The following TYW1 variants were observed in gnomAD, a reference collection of about 807,000 sequenced individuals.
The protein encoded by TYW1 is tRNA-yW synthesizing protein 1 homolog.
In TYW1, 46 loss-of-function variants were observed where a neutral mutation model predicts 96.2. That is an observed-to-expected ratio of 0.48 (90% CI 0.38 to 0.61). The LOEUF is 0.61. Ranked by LOEUF, TYW1 falls within the 20% of genes least tolerant of loss-of-function variation. The probability of loss-of-function intolerance (pLI) is 0.00; values close to 1 mark genes in which losing one functional copy is unlikely to be tolerated. For missense variants in TYW1, 684 were observed against 909.6 expected, an observed-to-expected ratio of 0.75 and a Z score of 3.19; for synonymous variants, 274 against 323.0, an observed-to-expected ratio of 0.85 and a Z score of 1.63.
chr7:67,090,047 C>G (rs1796664716), intron 11 of TYW1, among the ~76,000 whole-genome samples: 1 of 152,156 alleles, frequency 6.6e-6, no homozygotes, highest in African/African-American at 2.4e-5. Flanking sequence ...AAAAAGACAT[C>G]ATTTATTGCT....
chr7:67,226,947 G>A (rs1801579494), intron 15 of TYW1, among the ~76,000 whole-genome samples: 1 of 151,314 alleles, frequency 6.6e-6, no homozygotes, highest in African/African-American at 2.4e-5. Flanking sequence ...ATGATTGTAT[G>A]TTTGGAAGAC....
At chr7:67,234,798 A>C (rs1287305854) in intron 15 of TYW1, among the ~76,000 whole-genome samples, 1 of 152,166 alleles carries the variant, frequency 6.6e-6, no homozygotes, top group Non-Finnish European at 1.5e-5. Context: ...TTCACACTGT[A>C]TTAGAAGTGA....
rs564272544 is a variant in TYW1, at chr7:67,210,359, G to C, written c.1977+15022G>C. On this transcript the variant is annotated intron_variant, in intron 15 of 15. Transcript: ENST00000359626. ...AGGGCACGCACCTACTGCCAGCATG[G>C]CTTATGACTAACAATGCTGACCTCG... is the stretch of plus-strand genomic sequence containing the variant. Among the ~76,000 whole-genome samples, 9 of 152,258 alleles carry C rather than the reference G, an allele frequency of 5.9e-5. No individual in the cohort carries two copies. In the South Asian group the frequency reaches 1.7e-3, roughly 28 times the overall value.
chr7:67,206,736 TAGA>T (rs1284934516), intron 15 of TYW1, among the ~76,000 whole-genome samples: 1 of 151,908 alleles, frequency 6.6e-6, no homozygotes, highest in Non-Finnish European at 1.5e-5. Context: ...CCCTAAAGAC[TAGA>T]AGAATACACT....
chr7:67,147,310 T>A (rs1798638099), intron 13 of TYW1, among the ~76,000 whole-genome samples: 1 of 152,206 alleles, frequency 6.6e-6, no homozygotes, highest in Non-Finnish European at 1.5e-5. Flanking sequence ...AAATATGACA[T>A]CATTTTATGA....
chr7:67,197,053 G>C (rs1178231105), intron 15 of TYW1, among the ~76,000 whole-genome samples: 1 of 152,198 alleles, frequency 6.6e-6, no homozygotes, highest in Non-Finnish European at 1.5e-5. Flanking sequence ...GAGATTATGC[G>C]TGGAGTCAGA....
intron 12 of TYW1, among the ~76,000 whole-genome samples, chr7:67,103,320 T>C (rs1450791877): frequency 6.6e-6 from 1 of 152,196 alleles, no homozygotes; most frequent in Non-Finnish European, 1.5e-5. Flanking sequence ...GTCCAAATGT[T>C]AGGAAGTCCT....
chr7:67,083,773 G>A (rs1288501292), intron 11 of TYW1, among the ~76,000 whole-genome samples: 1 of 152,202 alleles, frequency 6.6e-6, no homozygotes, highest in East Asian at 1.9e-4. Flanking sequence ...GCTGGCTCAC[G>A]CCTGTAATCC....
intron 11 of TYW1, among the ~76,000 whole-genome samples, chr7:67,095,089 C>T (rs1796852853): frequency 6.6e-6 from 1 of 151,948 alleles, no homozygotes; most frequent in East Asian, 1.9e-4. Context: ...ACCTCCGCCT[C>T]CCGGGTTCAA....
intron 3 of TYW1, among the ~76,000 whole-genome samples, chr7:67,002,182 G>A (rs116883475): frequency 0.15 from 21,629 of 148,322 alleles, 1,992 homozygotes; most frequent in Admixed American, 0.25. Flanking sequence ...TGGGTAGATG[G>A]GAATATGGGC....
chr7:67,119,984 C>G (rs999107030), intron 13 of TYW1, among the ~76,000 whole-genome samples: 3 of 151,992 alleles, frequency 2.0e-5, no homozygotes, highest in African/African-American at 7.2e-5. Flanking sequence ...TAGAGACAAT[C>G]TCAAACTCCT....
In TYW1 at chr7:67,008,788, G is replaced by T. The variant is rs1212696650; in HGVS notation, c.274-795G>T. On this transcript the variant is annotated intron_variant, in intron 3 of 15. Coordinates refer to ENST00000359626, the MANE Select transcript of TYW1 (RefSeq NM_018264.4). ...AGTGATTCTCCTGCCTCAGCCTCCCGGGTAGCTGGGATTATAGGTGTGTGC... is the reference window on the plus strand; with the variant it reads ...AGTGATTCTCCTGCCTCAGCCTCCCTGGTAGCTGGGATTATAGGTGTGTGC... Among the ~76,000 whole-genome samples, 6 of 152,078 alleles carry T rather than the reference G, an allele frequency of 3.9e-5. No individual in the cohort carries two copies. The South Asian group carries it at 6.2e-4, about 16-fold the overall frequency.
At chr7:67,133,260 C>A (rs1798140123) in intron 13 of TYW1, among the ~76,000 whole-genome samples, 1 of 152,050 alleles carries the variant, frequency 6.6e-6, no homozygotes, top group South Asian at 2.1e-4. Flanking sequence ...CCTCAGTCCC[C>A]CCACGAAGCT....
chr7:67,006,145 C>A (rs1468825988), intron 3 of TYW1, among the ~76,000 whole-genome samples: 1 of 152,120 alleles, frequency 6.6e-6, no homozygotes, highest in Non-Finnish European at 1.5e-5. Flanking sequence ...GTGCTTAGAT[C>A]TTGAGGGCAG....
At chr7:67,003,229 A>G (rs1041094636) in intron 3 of TYW1, among the ~76,000 whole-genome samples, 2 of 152,186 alleles carry the variant, frequency 1.3e-5, no homozygotes, top group African/African-American at 4.8e-5. Context: ...TCTACTTGTA[A>G]TCCTTACAAT....
chr7:67,237,606 A>T (rs4718497), intron 15 of TYW1, among the ~76,000 whole-genome samples: 40,250 of 151,392 alleles, frequency 0.27, 5,685 homozygotes, highest in African/African-American at 0.36. Flanking sequence ...GCCAAACAAT[A>T]GCTTTGAATT....
chr7:67,087,009 G>T (rs933405849), intron 11 of TYW1, among the ~76,000 whole-genome samples: 1 of 152,084 alleles, frequency 6.6e-6, no homozygotes, highest in Non-Finnish European at 1.5e-5. Context: ...ACTGTGTCTC[G>T]GGCAGTTTGT....
intron 13 of TYW1, among the ~76,000 whole-genome samples, chr7:67,139,140 C>T (rs967956453): frequency 1.3e-5 from 2 of 152,126 alleles, no homozygotes; most frequent in African/African-American, 4.8e-5. Flanking sequence ...GCAGCCTCCA[C>T]CTCCTGGGTT....
chr7:67,138,964 C>T (rs956805703), intron 13 of TYW1, among the ~76,000 whole-genome samples: 9 of 151,748 alleles, frequency 5.9e-5, no homozygotes, highest in South Asian at 2.1e-4. Context: ...CTTCCATGTT[C>T]GATATACTGA....
Sources: gnomAD v4.1 joint callset for allele counts (sites outside exome capture counted in the v4.1 genomes callset) on GRCh38, gnomAD v4.1.1 for gene constraint, MANE v1.5 for transcripts, NCBI Gene and HGNC (gene_info 2026-07-23, HGNC 2026-07-21) for gene names.